Variants in REDIC1 observed in about 807,000 individuals in gnomAD.
REDIC1 encodes the protein regulator of DNA class I crossover intermediates 1, also known as HEI10 Interacting Protein 1.
the REDIC1 span, among the ~76,000 whole-genome samples, chr12:39,732,943 G>C: frequency 6.6e-6 from 1 of 152,080 alleles, no homozygotes; most frequent in Non-Finnish European, 1.5e-5. Context: ...AACAAAAACA[G>C]ACCATTTCTC....
At chr12:39,873,009 A>C in the REDIC1 span, among the ~76,000 whole-genome samples, 4 of 152,204 alleles carry the variant, frequency 2.6e-5, no homozygotes, top group Admixed American at 2.6e-4. Flanking sequence ...TTCAAAAATC[A>C]AATCTGTTTT....
the REDIC1 span, among the ~76,000 whole-genome samples, chr12:39,883,050 C>T: frequency 6.6e-6 from 1 of 151,994 alleles, no homozygotes; most frequent in Non-Finnish European, 1.5e-5. Context: ...TCTTTTTTCC[C>T]TTATTTATTT....
chr12:39,656,097 T>C, the REDIC1 span, among the ~76,000 whole-genome samples: 1 of 152,334 alleles, frequency 6.6e-6, no homozygotes, highest in Non-Finnish European at 1.5e-5. Context: ...TAAAATTTTG[T>C]TAGGAAATCT....
the REDIC1 span, among the ~76,000 whole-genome samples, chr12:39,828,437 T>C: frequency 6.6e-6 from 1 of 152,264 alleles, no homozygotes; most frequent in South Asian, 2.1e-4. Context: ...AGTGAGTTGT[T>C]GAATTAATTT....
the REDIC1 span, among the ~76,000 whole-genome samples, chr12:39,653,603 CTTTTT>C: frequency 1.6e-5 from 2 of 125,844 alleles, no homozygotes. Context: ...TCTTCTTCTT[CTTTTT>C]TTTTTGCATT....
At chr12:39,759,785 C>G in the REDIC1 span, 1 of 468,558 alleles carries the variant, frequency 2.1e-6, no homozygotes, top group Non-Finnish European at 3.8e-6. Flanking sequence ...AGGCATTACA[C>G]ACATTTGCTT....
chr12:39,710,869 A>G, the REDIC1 span, among the ~76,000 whole-genome samples: 2 of 151,720 alleles, frequency 1.3e-5, no homozygotes, highest in East Asian at 1.9e-4. Context: ...TAGTTACTCA[A>G]TAAGTGTTTT....
the REDIC1 span, among the ~76,000 whole-genome samples, chr12:39,703,064 G>A: frequency 1.3e-5 from 2 of 152,164 alleles, no homozygotes; most frequent in Non-Finnish European, 2.9e-5. Context: ...ATTCAACATA[G>A]TGTTGGAAGT....
chr12:39,651,962 A>C, the REDIC1 span, among the ~76,000 whole-genome samples: 2 of 151,828 alleles, frequency 1.3e-5, no homozygotes, highest in African/African-American at 4.8e-5. Context: ...ATTAGCCCAT[A>C]TTTTCTATAA....
At chr12:39,748,749 C>A in the REDIC1 span, among the ~76,000 whole-genome samples, 1 of 152,174 alleles carries the variant, frequency 6.6e-6, no homozygotes, top group African/African-American at 2.4e-5. Context: ...CAAACTAGAA[C>A]TGAAGATTAA....
the REDIC1 span, among the ~76,000 whole-genome samples, chr12:39,814,322 T>A: frequency 6.6e-6 from 1 of 152,206 alleles, no homozygotes; most frequent in Non-Finnish European, 1.5e-5. Flanking sequence ...TATGTACTTA[T>A]AATTTCCTCT....
the REDIC1 span, among the ~76,000 whole-genome samples, chr12:39,666,599 T>C: frequency 6.6e-6 from 1 of 152,218 alleles, no homozygotes; most frequent in African/African-American, 2.4e-5. Context: ...TTAGGGAGGA[T>C]TCCCTCTTTT....
chr12:39,799,619 C>G, the REDIC1 span, among the ~76,000 whole-genome samples: 1 of 152,116 alleles, frequency 6.6e-6, no homozygotes, highest in Non-Finnish European at 1.5e-5. Flanking sequence ...AGCTAAAAAC[C>G]TGGTCAAAAA....
chr12:39,900,578 C>T, the REDIC1 span, among the ~76,000 whole-genome samples: 1 of 152,106 alleles, frequency 6.6e-6, no homozygotes, highest in African/African-American at 2.4e-5. Flanking sequence ...TGAGTGAACT[C>T]CTATTCACAA....
At chr12:39,684,997 A>G in the REDIC1 span, 5 of 1,076,732 alleles carry the variant, frequency 4.6e-6, no homozygotes, top group African/African-American at 3.2e-5. Flanking sequence ...TACTGTATTT[A>G]ACGTTCACTT....
chr12:39,724,235 A>G, the REDIC1 span, among the ~76,000 whole-genome samples: 1 of 152,118 alleles, frequency 6.6e-6, no homozygotes, highest in South Asian at 2.1e-4. Flanking sequence ...AACTCTGCTT[A>G]CTCAAAGTAT....
the REDIC1 span, among the ~76,000 whole-genome samples, chr12:39,711,725 ATGCATG>A: frequency 2.9e-4 from 4 of 13,606 alleles, no homozygotes; most frequent in South Asian, 3.9e-3. Context: ...GTGTATGCAC[ATGCATG>A]TGTGTATGTG....
the REDIC1 span, among the ~76,000 whole-genome samples, chr12:39,794,196 A>G: frequency 6.7e-6 from 1 of 150,000 alleles, no homozygotes; most frequent in African/African-American, 2.4e-5. Context: ...TTGCCTGAAC[A>G]GTGTCCACCA....
chr12:39,768,994 C>T, the REDIC1 span, among the ~76,000 whole-genome samples: 1 of 152,142 alleles, frequency 6.6e-6, no homozygotes, highest in Admixed American at 6.5e-5. Context: ...TTTTGTCTGC[C>T]ATTTTTCACC....
Sources: allele counts gnomAD v4.1 joint callset (sites outside exome capture counted in the v4.1 genomes callset), GRCh38; gene constraint gnomAD v4.1.1; transcripts MANE v1.5; gene names NCBI Gene and HGNC (gene_info 2026-07-23, HGNC 2026-07-21).